Variants in TMC1 observed in about 807,000 individuals in gnomAD.
The protein encoded by TMC1 is transmembrane channel-like protein 1.
TMC1 carries 84 observed loss-of-function variants against 105.8 expected under a neutral mutation model. That is an observed-to-expected ratio of 0.79 (90% CI 0.67 to 0.95). The LOEUF (loss-of-function observed/expected upper bound fraction) is 0.95. TMC1 is among the 40% of genes least tolerant of loss of function. The pLI, the probability that TMC1 is intolerant of heterozygous loss-of-function variation, is 0.00. For synonymous variants in TMC1, 315 were observed against 311.5 expected, an observed-to-expected ratio of 1.01 and a Z score of -0.12; for missense variants, 817 against 914.1, an observed-to-expected ratio of 0.89 and a Z score of 1.37.
chr9:72,672,249 A>G (rs1444341132), intron 5 of TMC1, among the ~76,000 whole-genome samples: 1 of 152,106 alleles, frequency 6.6e-6, no homozygotes, highest in Non-Finnish European at 1.5e-5. Context: ...AAAACGAAAC[A>G]TATTACTTAG....
intron 1 of TMC1, among the ~76,000 whole-genome samples, chr9:72,523,404 TG>T (rs1364992240): frequency 1.3e-5 from 2 of 152,350 alleles, no homozygotes; most frequent in African/African-American, 4.8e-5. Flanking sequence ...AACAGCCTAC[TG>T]TTGACCAGAT....
intron 4 of TMC1, 149 bp from the exon 5 acceptor site, chr9:72,648,448 A>C: frequency 1.6e-6 from 1 of 628,928 alleles, no homozygotes; most frequent in Non-Finnish European, 2.9e-6. Context: ...ATGGCAAACT[A>C]AACATTCGTG....
At position 72,562,127 on chromosome 9, in the gene TMC1, C is replaced by T. The variant is rs180869260; in HGVS notation, c.-427-15775C>T. Among the ~76,000 whole-genome samples the T allele has an allele frequency of 2.3e-3, 349 of 152,268 alleles. 4 individuals carry two copies. The highest frequency in any genetic ancestry group is 4.0e-3 in the Non-Finnish European group (269 of 68,030). The stretch of plus-strand genomic sequence containing the variant: ...CAGTGCTTTAAACATACGTAGTTAC[C>T]ATTCTGTCCACTTGGTTGCCTGTAA... On this transcript the variant is annotated intron_variant, in intron 1 of 23. Transcript: ENST00000297784.
intron 8 of TMC1, among the ~76,000 whole-genome samples, chr9:72,705,003 A>G (rs183191939): frequency 1.6e-4 from 24 of 152,232 alleles, no homozygotes; most frequent in Non-Finnish European, 2.5e-4. Context: ...TTGAAAGTCA[A>G]TTTCTATATT....
At chr9:72,793,867 A>T (rs1178452986) in intron 17 of TMC1, among the ~76,000 whole-genome samples, 3 of 152,306 alleles carry the variant, frequency 2.0e-5, no homozygotes, top group Non-Finnish European at 4.4e-5. Context: ...CTCTGCTAGA[A>T]TTATCGATCA....
intron 1 of TMC1, among the ~76,000 whole-genome samples, chr9:72,566,621 C>G (rs1824159292): frequency 6.6e-6 from 1 of 152,178 alleles, no homozygotes; most frequent in African/African-American, 2.4e-5. Context: ...AGGCTGCAAA[C>G]AGAAGGAGCC....
chr9:72,660,809 G>C (rs1055391039), intron 5 of TMC1, among the ~76,000 whole-genome samples: 1 of 152,146 alleles, frequency 6.6e-6, no homozygotes, highest in Non-Finnish European at 1.5e-5. Context: ...TCTGATCCAG[G>C]TTCCAGTACT....
intron 1 of TMC1, among the ~76,000 whole-genome samples, chr9:72,550,140 G>A (rs114346258): frequency 0.047 from 7,150 of 152,174 alleles, 256 homozygotes; most frequent in African/African-American, 0.1. Flanking sequence ...CAAAGGTGAA[G>A]CAGGACTTTT....
At position 72,805,177 on chromosome 9, in the gene TMC1, G is replaced by T; in HGVS notation, c.1567-205G>T. The T allele has an allele frequency of 4.7e-6, 2 of 429,762 alleles. 1 individual carries two copies. Among genetic ancestry groups the T allele is most frequent in the Admixed American group, 7.8e-5 (2 of 25,634 alleles). 26.6% of individuals were successfully genotyped at this position (429,762 alleles called of 1,614,324 possible). A position where few individuals can be genotyped will look rare whatever the true frequency, so the allele number is the denominator to read the frequency against. On this transcript the variant is annotated intron_variant, in intron 17 of 23. Coordinates refer to ENST00000297784, the MANE Select transcript of TMC1 (RefSeq NM_138691.3). ...CAGTAAGAAGAAAACTTTTGATTTA[G>T]TAAACGGGAAATAATTATTTTTTAA...
rs757495456 is a variant in TMC1, at chr9:72,586,720, C to CT, written c.-306+8699dup. Among the ~76,000 whole-genome samples, 7 of 152,262 alleles carry CT rather than the reference C, an allele frequency of 4.6e-5. No homozygotes were observed. In the South Asian group the frequency reaches 1.5e-3, roughly 32 times the overall value. On this transcript the variant is annotated intron_variant, in intron 2 of 23. Coordinates refer to ENST00000297784, the MANE Select transcript of TMC1 (RefSeq NM_138691.3). ...GAGACTGTGAGTTCCTGCCATGTCA[C>CT]TTGGTATAACATGAGAAAACTCAAA...
At chr9:72,801,496 G>T (rs1828471478) in intron 17 of TMC1, among the ~76,000 whole-genome samples, 1 of 152,220 alleles carries the variant, frequency 6.6e-6, no homozygotes, top group African/African-American at 2.4e-5. Context: ...TTTGTTCACA[G>T]TGCTAAATTG....
intron 8 of TMC1, among the ~76,000 whole-genome samples, chr9:72,701,510 A>G (rs565994957): frequency 6.6e-6 from 1 of 152,344 alleles, no homozygotes; most frequent in Admixed American, 6.5e-5. Flanking sequence ...CAAAGATTGC[A>G]TTCTTCCATA....
rs59431883 is a variant in TMC1 at position 72,555,973 on chromosome 9, C to CAA, written c.-427-21899_-427-21898dup. On this transcript the variant is annotated intron_variant, in intron 1 of 23. Transcript: ENST00000297784. ...CAGGAAAACCAATCTATGACTAAGG[C>CAA]AAAAAAAAAAAAAAAAAAAAAAAAA... Among the ~76,000 whole-genome samples the CAA allele has an allele frequency of 3.1e-3, 134 of 42,574 alleles. 12 individuals carry two copies. The highest frequency in any genetic ancestry group is 4.5e-3 in the Non-Finnish European group (115 of 25,634). The allele number at this position is 42,574 out of a possible 152,430, so 27.9% of individuals were successfully genotyped here.
intron 10 of TMC1, among the ~76,000 whole-genome samples, chr9:72,742,821 A>G (rs1397368215): frequency 6.6e-6 from 1 of 152,232 alleles, no homozygotes; most frequent in African/African-American, 2.4e-5. Context: ...ATTGTGCACA[A>G]TGACATTGAA....
At chr9:72,710,064 A>G (rs1387186790) in intron 8 of TMC1, among the ~76,000 whole-genome samples, 1 of 152,146 alleles carries the variant, frequency 6.6e-6, no homozygotes, top group Non-Finnish European at 1.5e-5. Flanking sequence ...ATTATTGTTC[A>G]GTTCAAAGAA....
At position 72,826,849 on chromosome 9, in the gene TMC1, C is replaced by T. The variant is rs756893278; in HGVS notation, c.2004-20C>T. 6.2e-7 allele frequency: 1 copy of T among 1,613,344 alleles called. No homozygotes were observed. The highest frequency in any genetic ancestry group is 1.7e-5 in the Admixed American group (1 of 60,002). On this transcript the variant is annotated intron_variant, in intron 20 of 23. Coordinates refer to ENST00000297784, the MANE Select transcript of TMC1 (RefSeq NM_138691.3). ...CATATGTTCTTAATAAACTTATCTC[C>T]CCCTTTTTAATTCCCCCAGTGGCAA... is the stretch of plus-strand genomic sequence containing the variant.
intron 5 of TMC1, among the ~76,000 whole-genome samples, chr9:72,663,927 A>G (rs1375315490): frequency 6.6e-6 from 1 of 152,094 alleles, no homozygotes; most frequent in African/African-American, 2.4e-5. Context: ...ACAGAAACAC[A>G]ATACCCTAGG....
chr9:72,724,024 C>T (rs986218940), intron 8 of TMC1, among the ~76,000 whole-genome samples: 1 of 152,096 alleles, frequency 6.6e-6, no homozygotes, highest in African/African-American at 2.4e-5. Flanking sequence ...CATATGGTTG[C>T]AGAAGGATAT....
At chr9:72,646,646 T>A (rs12347411) in intron 4 of TMC1, among the ~76,000 whole-genome samples, 7,752 of 151,970 alleles carry the variant, frequency 0.051, 238 homozygotes, top group Non-Finnish European at 0.062. Flanking sequence ...TTATTTATTT[T>A]TTTTTGAGAT....
Sources: gnomAD v4.1 joint callset for allele counts (sites outside exome capture counted in the v4.1 genomes callset) on GRCh38, gnomAD v4.1.1 for gene constraint, MANE v1.5 for transcripts, NCBI Gene and HGNC (gene_info 2026-07-23, HGNC 2026-07-21) for gene names.